CCSER1: variants seen among roughly 807,000 people sequenced by gnomAD.
CCSER1 encodes the protein serine-rich coiled-coil domain-containing protein 1.
Under a neutral mutation model 82.0 loss-of-function variants are expected in CCSER1, and 41 were observed. That is an observed-to-expected ratio of 0.50 (90% CI 0.39 to 0.65). CCSER1 has a LOEUF of 0.65. Among genes scored for constraint, CCSER1 ranks in the 30% least tolerant of loss-of-function variants. The pLI is 0.00. For synonymous variants in CCSER1, 414 were observed against 383.9 expected (o/e 1.08, Z -0.92); for missense variants, 1,119 against 1,064.2 (o/e 1.05, Z -0.72).
chr4:90,732,307 A>G (rs986366512), intron 7 of CCSER1, among the ~76,000 whole-genome samples: 6 of 152,152 alleles, frequency 3.9e-5, no homozygotes, highest in African/African-American at 1.4e-4. Context: ...GTGTGTCGAC[A>G]GTCCCTAAGA....
intron 10 of CCSER1, among the ~76,000 whole-genome samples, chr4:91,375,269 A>G (rs573301807): frequency 6.9e-4 from 105 of 152,312 alleles, no homozygotes; most frequent in African/African-American, 2.4e-3. Flanking sequence ...AGAGAACTAG[A>G]AGTGGATCCT....
At chr4:90,687,626 T>C (rs778396248) in intron 6 of CCSER1, among the ~76,000 whole-genome samples, 10 of 152,146 alleles carry the variant, frequency 6.6e-5, no homozygotes, top group East Asian at 1.9e-4. Flanking sequence ...GAATTAGGAA[T>C]AGAAACATTC....
intron 5 of CCSER1, among the ~76,000 whole-genome samples, chr4:90,493,926 T>C (rs934977871): frequency 2.0e-5 from 3 of 152,116 alleles, no homozygotes; most frequent in Admixed American, 2.0e-4. Context: ...TAAATTAACC[T>C]TAAATGTAAA....
intron 1 of CCSER1, among the ~76,000 whole-genome samples, chr4:90,296,903 G>C (rs1732069488): frequency 6.6e-6 from 1 of 152,174 alleles, no homozygotes; most frequent in South Asian, 2.1e-4. Flanking sequence ...TAGCCTTGTA[G>C]TATAGTTTGA....
At chr4:90,729,853 G>A (rs1744384272) in intron 7 of CCSER1, among the ~76,000 whole-genome samples, 1 of 152,008 alleles carries the variant, frequency 6.6e-6, no homozygotes, top group African/African-American at 2.4e-5. Context: ...TCCAGCCTGG[G>A]CTACAGACCG....
chr4:91,364,945 T>C (rs1749507641), intron 10 of CCSER1, among the ~76,000 whole-genome samples: 1 of 152,140 alleles, frequency 6.6e-6, no homozygotes, highest in South Asian at 2.1e-4. Flanking sequence ...GCCATTAGTA[T>C]ATCTCTCAAT....
chr4:90,689,146 T>C (rs1304000451), intron 6 of CCSER1, among the ~76,000 whole-genome samples: 2 of 152,178 alleles, frequency 1.3e-5, no homozygotes, highest in Non-Finnish European at 2.9e-5. Flanking sequence ...ATGCTGATGA[T>C]TTATGAGTTC....
intron 7 of CCSER1, among the ~76,000 whole-genome samples, chr4:90,735,598 T>G (rs1745496678): frequency 6.6e-6 from 1 of 152,126 alleles, no homozygotes; most frequent in African/African-American, 2.4e-5. Context: ...ATTTTCTAAT[T>G]TATTGGCACA....
At chr4:90,256,370 T>C (rs1723285251) in intron 1 of CCSER1, among the ~76,000 whole-genome samples, 1 of 152,184 alleles carries the variant, frequency 6.6e-6, no homozygotes, top group Non-Finnish European at 1.5e-5. Context: ...ATTTAATCTA[T>C]GGTAAAATTC....
chr4:91,401,767 T>G (rs1376889284), intron 10 of CCSER1, among the ~76,000 whole-genome samples: 1 of 152,226 alleles, frequency 6.6e-6, no homozygotes. Flanking sequence ...CCATGGTGTA[T>G]ATGTGCCACA....
intron 6 of CCSER1, among the ~76,000 whole-genome samples, chr4:90,720,528 T>G (rs1362600811): frequency 6.6e-6 from 1 of 152,044 alleles, no homozygotes; most frequent in Non-Finnish European, 1.5e-5. Flanking sequence ...ATTTTATATT[T>G]TGTTTGTTTG....
At chr4:91,240,098 C>T (rs1739293039) in intron 10 of CCSER1, among the ~76,000 whole-genome samples, 1 of 57,562 alleles carries the variant, frequency 1.7e-5, no homozygotes, top group Admixed American at 1.9e-4. Context: ...TTTTTTGAGA[C>T]AGAGTCTTGC....
chr4:90,779,957 G>A (rs1753523065), intron 7 of CCSER1, among the ~76,000 whole-genome samples: 1 of 152,186 alleles, frequency 6.6e-6, no homozygotes, highest in African/African-American at 2.4e-5. Flanking sequence ...GTGGGCCTTT[G>A]ATGATTTAAA....
intron 4 of CCSER1, among the ~76,000 whole-genome samples, chr4:90,460,772 C>T (rs1389564335): frequency 6.6e-6 from 1 of 152,152 alleles, no homozygotes; most frequent in South Asian, 2.1e-4. Flanking sequence ...GCTCTTCTCT[C>T]ACACCCATCT....
intron 10 of CCSER1, among the ~76,000 whole-genome samples, chr4:91,532,639 C>G (rs895309544): frequency 6.6e-6 from 1 of 152,008 alleles, no homozygotes; most frequent in African/African-American, 2.4e-5. Flanking sequence ...TGTCTGTAAT[C>G]CCAGCACTTT....
At chr4:90,542,961 A>T (rs1004317847) in intron 5 of CCSER1, among the ~76,000 whole-genome samples, 1 of 152,140 alleles carries the variant, frequency 6.6e-6, no homozygotes, top group Non-Finnish European at 1.5e-5. Flanking sequence ...TATGTATTAT[A>T]CATATTCACA....
chr4:90,884,667 G>A (rs1396895814), intron 8 of CCSER1, among the ~76,000 whole-genome samples: 1 of 152,036 alleles, frequency 6.6e-6, no homozygotes, highest in Non-Finnish European at 1.5e-5. Flanking sequence ...ATTTTAAAAT[G>A]TGTTTCTATA....
intron 8 of CCSER1, among the ~76,000 whole-genome samples, chr4:90,916,079 G>C (rs1487537687): frequency 6.6e-6 from 1 of 152,064 alleles, no homozygotes; most frequent in Admixed American, 6.6e-5. Context: ...CATGAAAATG[G>C]CCATACTACC....
chr4:91,202,369 C>T (rs1266659547), intron 10 of CCSER1, among the ~76,000 whole-genome samples: 4 of 151,968 alleles, frequency 2.6e-5, no homozygotes, highest in Non-Finnish European at 4.4e-5. Context: ...TTTTAGTCCA[C>T]GTCTTAGAAT....
Sources: gnomAD v4.1 joint callset for allele counts (sites outside exome capture counted in the v4.1 genomes callset) on GRCh38, gnomAD v4.1.1 for gene constraint, MANE v1.5 for transcripts, NCBI Gene and HGNC (gene_info 2026-07-23, HGNC 2026-07-21) for gene names.